DICER1: variants seen among roughly 807,000 people sequenced by gnomAD.
DICER1 encodes dicer 1, ribonuclease III.
Under a neutral mutation model 194.1 loss-of-function variants are expected in DICER1, and 43 were observed. The ratio of observed to expected loss-of-function variants is 0.22; its 90% CI spans 0.17 to 0.29. The LOEUF (loss-of-function observed/expected upper bound fraction) is 0.29. Ranked by LOEUF, DICER1 falls within the 10% of genes least tolerant of loss-of-function variation. The pLI, the probability that DICER1 is intolerant of heterozygous loss-of-function variation, is 1.00. For synonymous variants in DICER1, 832 were observed against 820.5 expected (o/e 1.01, Z -0.24); for missense variants, 1,608 against 2,317.0 (o/e 0.69, Z 6.28).
In DICER1 at chr14:95,088,073, G is replaced by C; in HGVS notation, c.*2425C>G. On this transcript the variant is annotated 3_prime_UTR_variant, in exon 27 of 27. Coordinates refer to ENST00000343455, the MANE Select transcript of DICER1 (RefSeq NM_177438.3). ...TTTTATTTTTTAACTCAGTAACCAGGGGATCACAGAATGCTTCAAACTGTG... is the reference window on the plus strand; with the variant it reads ...TTTTATTTTTTAACTCAGTAACCAGCGGATCACAGAATGCTTCAAACTGTG... The C allele has an allele frequency of 8.6e-6, 2 of 232,838 alleles. No homozygotes were observed. Among genetic ancestry groups the C allele is most frequent in the Non-Finnish European group, 1.7e-5 (2 of 117,628 alleles). The allele number at this position is 232,838 out of a possible 1,614,324, so 14.4% of individuals were successfully genotyped here. A position where few individuals can be genotyped will look rare whatever the true frequency, so the allele number is the denominator to read the frequency against.
At chr14:95,095,196 T>C (rs1566752247) in intron 23 of DICER1, 1 of 153,070 alleles carries the variant, frequency 6.5e-6, no homozygotes, top group Non-Finnish European at 1.5e-5. Flanking sequence ...AAACTTCAGC[T>C]GTGTTTCACA....
intron 8 of DICER1, among the ~76,000 whole-genome samples, chr14:95,120,171 C>T (rs757845532): frequency 2.0e-5 from 3 of 152,168 alleles, no homozygotes; most frequent in Non-Finnish European, 2.9e-5. Context: ...TTATCAACAA[C>T]TCCTTTAACA....
intron 23 of DICER1, 153 bp downstream of exon 23, chr14:95,095,672 G>A: frequency 1.1e-6 from 1 of 888,620 alleles, no homozygotes; most frequent in Non-Finnish European, 1.8e-6. Flanking sequence ...ACAAGGAAAA[G>A]AATTCTTTCT....
Position 95,096,625 on chromosome 14 carries a change from G to C in DICER1, c.4295C>G (p.Pro1432Arg), listed in dbSNP as rs747593690. 1.2e-6 allele frequency: 2 copies of C among 1,611,550 alleles called. No individual in the cohort carries two copies. Among genetic ancestry groups the C allele is most frequent in the Non-Finnish European group, 1.7e-6 (2 of 1,178,834 alleles). Residue 1432 changes from proline (P) to arginine (R), a missense_variant, in exon 23 of 27, where the codon CCG becomes CGG. Around this residue, in one of 10 missense-constraint regions of DICER1, gnomAD observed 164 missense variants for 183.7 expected, o/e 0.89. Coordinates refer to ENST00000343455, the MANE Select transcript of DICER1 (RefSeq NM_177438.3). Reference sequence around the variant, plus strand: ...ATCTTCATAGTCAGCCTCTTCCTTCGGAGCCCTCCACATCAGGCTCTCCTC... The same window carrying C: ...ATCTTCATAGTCAGCCTCTTCCTTCCGAGCCCTCCACATCAGGCTCTCCTC... ...EEEESLMWRA[P>R]KEEADYEDDF...
chr14:95,095,786 C>A, intron 23 of DICER1, 39 bp downstream of exon 23: 1 of 1,609,166 alleles, frequency 6.2e-7, no homozygotes, highest in South Asian at 1.1e-5. Flanking sequence ...CACAAAGTCT[C>A]ATTTTCCCAG....
rs757624425 is a variant in DICER1, at chr14:95,111,368, A to G, written c.2205T>C (p.Ser735=). The G allele has an allele frequency of 6.2e-7, 1 of 1,614,214 alleles. No individual in the cohort carries two copies. Among genetic ancestry groups the G allele is most frequent in the Non-Finnish European group, 8.5e-7 (1 of 1,180,014 alleles). Residue 735 remains serine, a synonymous_variant, in exon 14 of 27, where the codon AGT becomes AGC. Coordinates refer to ENST00000343455, the MANE Select transcript of DICER1 (RefSeq NM_177438.3). ...TCGTGGAACCTGGTCTTCCTGGAAC[A>G]CTGGTCTCTTCTTCATCATGCAAAT... ...ELDLHDEEET[S]VPGRPGSTKR... is the part of the protein sequence containing the mutation.
Position 95,089,816 on chromosome 14 carries a change from C to G in DICER1, c.*682G>C, listed in dbSNP as rs890923157. ...AAAAGATCAGAGATTAAAGACTATCCATGAAGGTTTCACTTTTAAGGCAAG... is the reference window on the plus strand; with the variant it reads ...AAAAGATCAGAGATTAAAGACTATCGATGAAGGTTTCACTTTTAAGGCAAG... On this transcript the variant is annotated 3_prime_UTR_variant, in exon 27 of 27. Transcript: ENST00000343455. 2 of 232,122 alleles carry G rather than the reference C, an allele frequency of 8.6e-6. No homozygotes were observed. Among genetic ancestry groups the G allele is most frequent in the African/African-American group, 4.4e-5 (2 of 45,220 alleles). 14.4% of individuals were successfully genotyped at this position (232,122 alleles called of 1,614,324 possible).
chr14:95,146,607 CAA>C (rs1468948522), intron 1 of DICER1, among the ~76,000 whole-genome samples: 1 of 152,160 alleles, frequency 6.6e-6, no homozygotes, highest in African/African-American at 2.4e-5. Flanking sequence ...GGATGCAGAA[CAA>C]GAACTCAGGA....
In DICER1 at chr14:95,113,130, A is replaced by C. The variant is rs1555372059; in HGVS notation, c.2002T>G (p.Tyr668Asp). Residue 668 changes from tyrosine to aspartate, a missense_variant, in exon 12 of 27, where the codon TAT (tyrosine) becomes GAT (aspartate). By Grantham distance (160) the Tyr-to-Asp change is radical. Coordinates refer to ENST00000343455, the MANE Select transcript of DICER1 (RefSeq NM_177438.3). ...LPDGTFYSTLYLPINSPLRAS... is the reference protein window; with the variant it reads ...LPDGTFYSTLDLPINSPLRAS... The stretch of plus-strand genomic sequence containing the variant: ...CGAAGAGGTGAGTTAATTGGCAGAT[A>C]AAGAGTTGAATAAAATGTACCATCA... The C allele has an allele frequency of 4.3e-6, 7 of 1,613,770 alleles. No homozygotes were observed. The highest frequency in any genetic ancestry group is 5.9e-6 in the Non-Finnish European group (7 of 1,179,622).
In DICER1 at chr14:95,115,824, G is replaced by C; in HGVS notation, c.1753-3C>G. ...TTGGAACACTTGTTTCTCAAGATCT[G>C]AACATTTAAAAAACAGAACTTATGA... On this transcript the variant is annotated splice_polypyrimidine_tract_variant and splice_region_variant and intron_variant, in intron 10 of 26. Transcript: ENST00000343455. 6.2e-7 allele frequency: 1 copy of C among 1,613,886 alleles called. No homozygotes were observed. Among genetic ancestry groups the C allele is most frequent in the Non-Finnish European group, 8.5e-7 (1 of 1,179,860 alleles).
Position 95,094,970 on chromosome 14 carries a change from G to A in DICER1, c.5096-814C>T, listed in dbSNP as rs1016647834. Among the ~76,000 whole-genome samples the A allele has an allele frequency of 5.3e-5, 8 of 152,206 alleles. No individual in the cohort carries two copies. In the South Asian group the frequency reaches 6.2e-4, roughly 12 times the overall value. On this transcript the variant is annotated intron_variant, in intron 23 of 26. Coordinates refer to ENST00000343455, the MANE Select transcript of DICER1 (RefSeq NM_177438.3). ...TCGGAACTTCCAGCAGAATGTAGTC[G>A]AAAGCCACGTATCATTTTTCCTCCA...
At chr14:95,142,121 A>T (rs536057226) in intron 1 of DICER1, among the ~76,000 whole-genome samples, 140 of 148,982 alleles carry the variant, frequency 9.4e-4, no homozygotes, top group African/African-American at 2.2e-3. Context: ...TTTGTTTTTT[A>T]TTTTTTTTTT....
rs2078712645 is a variant in DICER1 at position 95,090,434 on chromosome 14, T to C, written c.*64A>G. 6.4e-7 allele frequency: 1 copy of C among 1,573,792 alleles called. No homozygotes were observed. The highest frequency in any genetic ancestry group is 1.3e-5 in the African/African-American group (1 of 74,132). On this transcript the variant is annotated 3_prime_UTR_variant, in exon 27 of 27. Transcript: ENST00000343455. ...AACAACTTTAAGTCTTCCTTTCCGA[T>C]TTAAATAATTTTCCCCTTAATTTTT...
intron 8 of DICER1, among the ~76,000 whole-genome samples, chr14:95,122,031 C>T (rs1212331430): frequency 2.0e-5 from 3 of 152,104 alleles, no homozygotes; most frequent in Admixed American, 6.5e-5. Context: ...GGAAGTTTTT[C>T]TAAGCTTATT....
At chr14:95,100,234 G>A (rs1890756585) in intron 21 of DICER1, among the ~76,000 whole-genome samples, 1 of 152,154 alleles carries the variant, frequency 6.6e-6, no homozygotes. Context: ...AAACACTTCA[G>A]ACAATATCAA....
chr14:95,129,216 C>T (rs1893736311), intron 6 of DICER1: 1 of 430,600 alleles, frequency 2.3e-6, no homozygotes, highest in African/African-American at 2.0e-5. Context: ...TCCTTGGCAA[C>T]AACAGCAAAT....
intron 12 of DICER1, among the ~76,000 whole-genome samples, chr14:95,112,862 T>C (rs763799365): frequency 3.9e-5 from 6 of 152,220 alleles, no homozygotes; most frequent in Non-Finnish European, 2.9e-5. Context: ...AATTAGACAG[T>C]CTATTACAAA....
At chr14:95,140,413 G>A (rs1595488415) in intron 1 of DICER1, among the ~76,000 whole-genome samples, 1 of 152,156 alleles carries the variant, frequency 6.6e-6, no homozygotes, top group African/African-American at 2.4e-5. Flanking sequence ...GTAACATGGT[G>A]TACAGGTTAG....
chr14:95,129,754 G>C lies in DICER1; in HGVS notation c.574-122C>G. ...AATAGTAAAAAAGAATTTGTTTGGT[G>C]GAAATGCCACTATACCAAGGACAAC... On this transcript the variant is annotated intron_variant, in intron 5 of 26. Coordinates refer to ENST00000343455, the MANE Select transcript of DICER1 (RefSeq NM_177438.3). 4.2e-6 allele frequency: 4 copies of C among 951,022 alleles called. No homozygotes were observed. In the South Asian group the frequency reaches 6.0e-5, roughly 14 times the overall value. The allele number at this position is 951,022 out of a possible 1,614,324, so 58.9% of individuals were successfully genotyped here. A position where few individuals can be genotyped will look rare whatever the true frequency, so the allele number is the denominator to read the frequency against.
Sources: gnomAD v4.1 joint callset for allele counts (sites outside exome capture counted in the v4.1 genomes callset) on GRCh38, gnomAD v4.1.1 for gene constraint, gnomAD v4.1.1 regional missense constraint, MANE v1.5 for transcripts, NCBI Gene and HGNC (gene_info 2026-07-23, HGNC 2026-07-21) for gene names.